The following NFATC1 variants were observed in gnomAD, a reference collection of about 807,000 sequenced individuals.
NFATC1 encodes the protein nuclear factor of activated T cells 1.
Under a neutral mutation model 76.0 loss-of-function variants are expected in NFATC1, and 22 were observed. The ratio of observed to expected loss-of-function variants is 0.29; its 90% CI spans 0.21 to 0.41. The LOEUF (loss-of-function observed/expected upper bound fraction) is 0.41. Ranked by LOEUF, NFATC1 falls within the 10% of genes least tolerant of loss-of-function variation. The pLI is 1.00. For synonymous variants in NFATC1, 704 were observed against 613.1 expected, an observed-to-expected ratio of 1.15 and a Z score of -2.19; for missense variants, 1,357 against 1,337.7, an observed-to-expected ratio of 1.01 and a Z score of -0.23.
In NFATC1 at chr18:79,401,145, A is replaced by C. The variant is rs62096872; in HGVS notation, c.127+4794A>C. ...AGAGCAGCGAGTGAGTGGGGTGGGC[A>C]CCCCTGGGCCTGGGCCCCTCTCCCG... On this transcript the variant is annotated intron_variant, in intron 1 of 9. Coordinates refer to ENST00000427363, the MANE Select transcript of NFATC1 (RefSeq NM_001278669.2). 5.4e-3 allele frequency among the ~76,000 whole-genome samples: 814 copies of C among 150,866 alleles called. 4 individuals are homozygous for C. Among genetic ancestry groups the C allele is most frequent in the Non-Finnish European group, 8.4e-3 (566 of 67,744 alleles).
chr18:79,414,639 G>A (rs1008438993), intron 2 of NFATC1, among the ~76,000 whole-genome samples: 46 of 152,312 alleles, frequency 3.0e-4, no homozygotes, highest in African/African-American at 1.1e-3. Flanking sequence ...AGAGCTCAGC[G>A]GAATGATGTG....
At position 79,433,719 on chromosome 18, in the gene NFATC1, G is replaced by C. The variant is rs2144668103; in HGVS notation, c.1367G>C (p.Gly456Ala). The C allele has an allele frequency of 2.5e-6, 4 of 1,612,826 alleles. No individual in the cohort carries two copies. The highest frequency in any genetic ancestry group is 3.4e-6 in the Non-Finnish European group (4 of 1,179,832). ...GSRGAVKASA[G>A]GHPIVQLHGY... ...CGGGGGGCCGTGAAGGCGTCGGCCGGAGGACACCCCATCGTGCAGGTAGGC... is the reference window on the plus strand; with the variant it reads ...CGGGGGGCCGTGAAGGCGTCGGCCGCAGGACACCCCATCGTGCAGGTAGGC... The change falls in exon 3 of 10, where the codon GGA becomes GCA. Residue 456 changes from glycine (G) to alanine (A), a missense_variant. Physicochemically the swap from Gly to Ala is moderately conservative, Grantham distance 60 (BLOSUM62 0). This residue lies in a region of NFATC1 where 242 missense variants were observed against 329.2 expected (regional missense o/e 0.74). Transcript: ENST00000427363.
intron 9 of NFATC1, among the ~76,000 whole-genome samples, chr18:79,513,082 G>C (rs979788026): frequency 6.6e-6 from 1 of 152,212 alleles, no homozygotes; most frequent in African/African-American, 2.4e-5. Flanking sequence ...TATCACTTTC[G>C]AACGCTCGGC....
At chr18:79,502,967 T>G (rs1157508590) in intron 9 of NFATC1, among the ~76,000 whole-genome samples, 2 of 152,214 alleles carry the variant, frequency 1.3e-5, no homozygotes, top group African/African-American at 2.4e-5. Context: ...GTTCCACTCC[T>G]AGGTATGTAT....
At position 79,400,188 on chromosome 18, in the gene NFATC1, G is replaced by A. The variant is rs1174798351; in HGVS notation, c.127+3837G>A. 1.8e-5 allele frequency: 21 copies of A among 1,170,092 alleles called. No individual in the cohort carries two copies. In the East Asian group the frequency reaches 5.7e-4, roughly 32 times the overall value. 72.5% of individuals were successfully genotyped at this position (1,170,092 alleles called of 1,614,324 possible). A position where few individuals can be genotyped will look rare whatever the true frequency, so the allele number is the denominator to read the frequency against. On this transcript the variant is annotated intron_variant, in intron 1 of 9. Coordinates refer to ENST00000427363, the MANE Select transcript of NFATC1 (RefSeq NM_001278669.2). ...AGTTTATTTAAAAACTCGTGTCCGG[G>A]GAGTTTATTTAAAACTCGGAAGCCG...
chr18:79,459,510 G>A (rs766698933), intron 6 of NFATC1, among the ~76,000 whole-genome samples: 9 of 152,120 alleles, frequency 5.9e-5, no homozygotes, highest in Non-Finnish European at 1.3e-4. Context: ...TCCTGGCCCC[G>A]TGTGCGCCTC....
chr18:79,453,983 G>A lies in NFATC1; in HGVS notation c.1903+2167G>A, dbSNP rs751476309. 2.0e-5 allele frequency among the ~76,000 whole-genome samples: 3 copies of A among 152,218 alleles called. No individual in the cohort carries two copies. The South Asian group carries it at 6.2e-4, about 31-fold the overall frequency. On this transcript the variant is annotated intron_variant, in intron 6 of 9. Coordinates refer to ENST00000427363, the MANE Select transcript of NFATC1 (RefSeq NM_001278669.2). ...AGCCCCACATCCTCATCCTGGCAACGAGAGAAACCACTAAACTGAATTTAA... is the reference window on the plus strand; with the variant it reads ...AGCCCCACATCCTCATCCTGGCAACAAGAGAAACCACTAAACTGAATTTAA...
intron 6 of NFATC1, among the ~76,000 whole-genome samples, chr18:79,453,522 G>A (rs886086484): frequency 2.6e-5 from 4 of 152,224 alleles, no homozygotes; most frequent in African/African-American, 9.7e-5. Flanking sequence ...ATCACTGTGA[G>A]CTGTGGGGTC....
At chr18:79,437,312 T>C (rs551284982) in intron 3 of NFATC1, among the ~76,000 whole-genome samples, 5 of 152,334 alleles carry the variant, frequency 3.3e-5, no homozygotes, top group Admixed American at 3.3e-4. Context: ...CACCTTGCCC[T>C]GGTAGAACAA....
Position 79,495,984 on chromosome 18 carries a change from G to A in NFATC1, c.2782+9047G>A, listed in dbSNP as rs1012336091. On this transcript the variant is annotated intron_variant, in intron 9 of 9. Coordinates refer to ENST00000427363, the MANE Select transcript of NFATC1 (RefSeq NM_001278669.2). ...AGGCGTCCGCAAGTGTCACTGTAAC[G>A]CAGGCAAGCCGTGAACAGTAGTAAG... is the stretch of plus-strand genomic sequence containing the variant. 13 of 149,478 alleles carry A rather than the reference G, an allele frequency of 8.7e-5. No homozygotes were observed. The East Asian group carries it at 9.9e-4, about 11-fold the overall frequency. 9.3% of individuals were successfully genotyped at this position (149,478 alleles called of 1,614,324 possible).
At chr18:79,492,604 G>A (rs1456763833) in intron 9 of NFATC1, among the ~76,000 whole-genome samples, 8 of 152,220 alleles carry the variant, frequency 5.3e-5, no homozygotes, top group African/African-American at 1.9e-4. Flanking sequence ...AGCCACTCGG[G>A]AGGCTGAGAC....
chr18:79,396,934 G>A (rs1297646418), intron 1 of NFATC1, among the ~76,000 whole-genome samples: 1 of 152,142 alleles, frequency 6.6e-6, no homozygotes, highest in African/African-American at 2.4e-5. Context: ...GCACAGCCCC[G>A]AATTTAAGCC....
chr18:79,437,699 C>A (rs1056794965), intron 3 of NFATC1, among the ~76,000 whole-genome samples: 3 of 152,248 alleles, frequency 2.0e-5, no homozygotes, highest in African/African-American at 7.2e-5. Context: ...CCACCCTCTG[C>A]CCTGACGGCA....
At chr18:79,447,690 G>T (rs927918322) in intron 3 of NFATC1, among the ~76,000 whole-genome samples, 2 of 152,248 alleles carry the variant, frequency 1.3e-5, no homozygotes, top group Non-Finnish European at 2.9e-5. Flanking sequence ...GACTCCTGCG[G>T]CCTCCCTCAA....
rs140342501 is a variant in NFATC1 at position 79,477,126 on chromosome 18, T to G, written c.2093-9122T>G. Among the ~76,000 whole-genome samples the G allele has an allele frequency of 5.4e-3, 829 of 152,320 alleles. 10 individuals are homozygous for G. The highest frequency in any genetic ancestry group is 0.018 in the African/African-American group (769 of 41,574). ...CCTCTCAGCCTCGAGGGATGGGTGA[T>G]AAGGCAGCTTCATCCGCTGTTTTCT... On this transcript the variant is annotated intron_variant, in intron 8 of 9. Transcript: ENST00000427363.
rs2667440 is a variant in NFATC1 at position 79,417,187 on chromosome 18, T to C, written c.1226+5686T>C. Among the ~76,000 whole-genome samples, 5 of 34,906 alleles carry C rather than the reference T, an allele frequency of 1.4e-4. No individual in the cohort carries two copies. The East Asian group carries it at 2.3e-3, about 16-fold the overall frequency. The allele number at this position is 34,906 out of a possible 152,430, so 22.9% of individuals were successfully genotyped here. ...GGCTGTGGCGGGAGATGGGCTGTGG[T>C]GGGAGATGGGAGATGGGCTGTGGTG... On this transcript the variant is annotated intron_variant, in intron 2 of 9. Transcript: ENST00000427363.
chr18:79,505,821 G>A (rs1032170330), intron 9 of NFATC1, among the ~76,000 whole-genome samples: 57 of 134,860 alleles, frequency 4.2e-4, no homozygotes, highest in African/African-American at 1.5e-3. Context: ...GGTGCTGGAG[G>A]CCCTTGGGTG....
intron 8 of NFATC1, among the ~76,000 whole-genome samples, chr18:79,478,162 G>A (rs2089151774): frequency 7.5e-6 from 1 of 134,148 alleles, no homozygotes; most frequent in South Asian, 2.5e-4. Flanking sequence ...TGCAGACAGA[G>A]CCCCCGAGGA....
intron 2 of NFATC1, among the ~76,000 whole-genome samples, chr18:79,424,465 GTC>G (rs759006601): frequency 1.2e-4 from 17 of 145,122 alleles, no homozygotes; most frequent in African/African-American, 4.0e-4. Flanking sequence ...TGCGCTGATC[GTC>G]TCTCTCTCTC....
Sources: gnomAD v4.1 joint callset for allele counts (sites outside exome capture counted in the v4.1 genomes callset) on GRCh38, gnomAD v4.1.1 for gene constraint, gnomAD v4.1.1 regional missense constraint, MANE v1.5 for transcripts, NCBI Gene and HGNC (gene_info 2026-07-23, HGNC 2026-07-21) for gene names.